The following CAMK1D variants were observed in gnomAD, a reference collection of about 807,000 sequenced individuals.
The protein encoded by CAMK1D is calcium/calmodulin dependent protein kinase ID.
A neutral mutation model predicts 47.7 loss-of-function variants in CAMK1D; 9 were observed. That is an observed-to-expected ratio of 0.19 (90% CI 0.11 to 0.33). The LOEUF is 0.33. Ranked by LOEUF, CAMK1D falls within the 10% of genes least tolerant of loss-of-function variation. CAMK1D has a pLI of 1.00. For synonymous variants in CAMK1D, 184 were observed against 184.9 expected, an observed-to-expected ratio of 0.99 and a Z score of 0.04; for missense variants, 291 against 488.7, an observed-to-expected ratio of 0.60 and a Z score of 3.81.
At chr10:12,748,696 G>C (rs1564533716) in intron 3 of CAMK1D, among the ~76,000 whole-genome samples, 1 of 152,212 alleles carries the variant, frequency 6.6e-6, no homozygotes, top group Non-Finnish European at 1.5e-5. Flanking sequence ...GACCATAGCA[G>C]GGAGAGCCCC....
At chr10:12,353,688 T>G (rs998069022) in intron 1 of CAMK1D, among the ~76,000 whole-genome samples, 1 of 152,190 alleles carries the variant, frequency 6.6e-6, no homozygotes, top group African/African-American at 2.4e-5. Flanking sequence ...TTTCAACCTG[T>G]GCGCTTCAGT....
chr10:12,394,913 G>A (rs1021376977), intron 1 of CAMK1D, among the ~76,000 whole-genome samples: 21 of 152,122 alleles, frequency 1.4e-4, no homozygotes, highest in Admixed American at 1.2e-3. Flanking sequence ...AAGAGGCTGC[G>A]TGCAGGAGGC....
rs760704932 is a variant in CAMK1D at position 12,456,850 on chromosome 10, G to A, written c.93-96375G>A. Among the ~76,000 whole-genome samples, 84 of 151,412 alleles carry A rather than the reference G, an allele frequency of 5.5e-4. 1 individual carries two copies. The highest frequency in any genetic ancestry group is 1.4e-3 in the Admixed American group (21 of 15,174). On this transcript the variant is annotated intron_variant, in intron 1 of 10. Coordinates refer to ENST00000619168, the MANE Select transcript of CAMK1D (RefSeq NM_153498.4). Reference sequence around the variant, plus strand: ...AACAACCCTACAGGAGGGGCATCTGGTGCCATGAACTAACATTACGGATAC... The same window carrying A: ...AACAACCCTACAGGAGGGGCATCTGATGCCATGAACTAACATTACGGATAC...
intron 1 of CAMK1D, among the ~76,000 whole-genome samples, chr10:12,453,334 C>T (rs934134659): frequency 4.6e-5 from 7 of 151,954 alleles, no homozygotes; most frequent in Non-Finnish European, 7.4e-5. Context: ...GGATTACAGG[C>T]GCCTGCCACC....
At chr10:12,435,086 T>C (rs528379024) in intron 1 of CAMK1D, among the ~76,000 whole-genome samples, 111 of 151,006 alleles carry the variant, frequency 7.4e-4, no homozygotes, top group African/African-American at 2.6e-3. Context: ...GGTGTGGTGG[T>C]GGTGTGGGTG....
At chr10:12,827,328 CTCT>C (rs1360915283) in intron 10 of CAMK1D, among the ~76,000 whole-genome samples, 3 of 12,736 alleles carry the variant, frequency 2.4e-4, no homozygotes, top group Non-Finnish European at 5.4e-4. Context: ...TTCTTTCTCT[CTCT>C]TCTCTTCCTT....
intron 2 of CAMK1D, among the ~76,000 whole-genome samples, chr10:12,555,211 G>A (rs556456370): frequency 1.3e-5 from 2 of 152,170 alleles, no homozygotes; most frequent in East Asian, 1.9e-4. Context: ...AAACCGTCTC[G>A]CCCACTCCTC....
chr10:12,664,084 C>G lies in CAMK1D; in HGVS notation c.225-2652C>G, dbSNP rs146103004. ...TCCCAGCAACTTCTTGAGACCTTCTCCATAATTCTGACCCATTCAGGGCTC... is the reference window on the plus strand; with the variant it reads ...TCCCAGCAACTTCTTGAGACCTTCTGCATAATTCTGACCCATTCAGGGCTC... On this transcript the variant is annotated intron_variant, in intron 2 of 10. Transcript: ENST00000619168. 5.0e-3 allele frequency among the ~76,000 whole-genome samples: 761 copies of G among 152,286 alleles called. 6 individuals carry two copies. Among genetic ancestry groups the G allele is most frequent in the African/African-American group, 0.017 (725 of 41,566 alleles).
chr10:12,811,786 T>C (rs1263222704), intron 6 of CAMK1D, among the ~76,000 whole-genome samples: 2 of 152,254 alleles, frequency 1.3e-5, no homozygotes, highest in Non-Finnish European at 2.9e-5. Context: ...CAAGATGAAC[T>C]AACATTTTGC....
intron 1 of CAMK1D, among the ~76,000 whole-genome samples, chr10:12,455,778 A>G (rs1661860877): frequency 6.6e-6 from 1 of 152,192 alleles, no homozygotes; most frequent in South Asian, 2.1e-4. Context: ...TGTTCTTAGA[A>G]TTGACATTTA....
intron 3 of CAMK1D, among the ~76,000 whole-genome samples, chr10:12,744,375 A>G (rs1021677263): frequency 5.3e-5 from 8 of 152,194 alleles, no homozygotes; most frequent in African/African-American, 1.7e-4. Flanking sequence ...CCATAATGCT[A>G]TAGTTTCACT....
Position 12,479,700 on chromosome 10 carries a change from C to G in CAMK1D, c.93-73525C>G, listed in dbSNP as rs573238992. On this transcript the variant is annotated intron_variant, in intron 1 of 10. Coordinates refer to ENST00000619168, the MANE Select transcript of CAMK1D (RefSeq NM_153498.4). ...CTCAGGAGCCCGCAGCAGAGGGAAG[C>G]CTGTCACTGCCCAGGAGGCACGGGT... Among the ~76,000 whole-genome samples the G allele has an allele frequency of 1.5e-4, 23 of 152,182 alleles. No individual in the cohort carries two copies. In the South Asian group the frequency reaches 2.5e-3, roughly 16 times the overall value.
chr10:12,386,972 C>CG (rs1164403412), intron 1 of CAMK1D, among the ~76,000 whole-genome samples: 1 of 152,018 alleles, frequency 6.6e-6, no homozygotes, highest in Non-Finnish European at 1.5e-5. Flanking sequence ...GAAGCTGAGG[C>CG]GGGTGGATCA....
chr10:12,544,831 T>TG (rs1836310193), intron 1 of CAMK1D, among the ~76,000 whole-genome samples: 1 of 125,288 alleles, frequency 8.0e-6, no homozygotes. Flanking sequence ...GTACTAGTGT[T>TG]AAGTGGATAG....
At chr10:12,372,900 G>A (rs1838045477) in intron 1 of CAMK1D, among the ~76,000 whole-genome samples, 1 of 152,182 alleles carries the variant, frequency 6.6e-6, no homozygotes, top group Non-Finnish European at 1.5e-5. Context: ...CAAAGTGCTG[G>A]GATTATAGGC....
In CAMK1D at chr10:12,777,024, A is replaced by G. The variant is rs114968074; in HGVS notation, c.565+7225A>G. Among the ~76,000 whole-genome samples, 741 of 152,314 alleles carry G rather than the reference A, an allele frequency of 4.9e-3. 8 individuals are homozygous for G. The highest frequency in any genetic ancestry group is 0.017 in the African/African-American group (713 of 41,564). ...GGGTTGCAAATAACTTTTAGCCAGT[A>G]GGCAAATTTGCAGATAGAGAATCCT... is the stretch of plus-strand genomic sequence containing the variant. On this transcript the variant is annotated intron_variant, in intron 5 of 10. Transcript: ENST00000619168.
intron 2 of CAMK1D, 134 bp from the exon 3 acceptor site, chr10:12,666,602 A>G: frequency 1.4e-6 from 1 of 692,724 alleles, no homozygotes; most frequent in Non-Finnish European, 2.5e-6. Context: ...TGGGGACAAC[A>G]TTGTGAAGTC....
chr10:12,550,508 G>A (rs896526267), intron 1 of CAMK1D, among the ~76,000 whole-genome samples: 2 of 152,192 alleles, frequency 1.3e-5, no homozygotes, highest in Non-Finnish European at 2.9e-5. Flanking sequence ...CTCAGGGGCC[G>A]TCTCTGGAAT....
intron 5 of CAMK1D, among the ~76,000 whole-genome samples, chr10:12,788,824 T>G (rs1837849818): frequency 6.6e-6 from 1 of 152,224 alleles, no homozygotes; most frequent in Non-Finnish European, 1.5e-5. Flanking sequence ...GTTCCCTCAC[T>G]TTGTAGTTCT....
Sources: allele counts gnomAD v4.1 joint callset (sites outside exome capture counted in the v4.1 genomes callset), GRCh38; gene constraint gnomAD v4.1.1; transcripts MANE v1.5; gene names NCBI Gene and HGNC (gene_info 2026-07-23, HGNC 2026-07-21).